PDE4D: variants seen among roughly 807,000 people sequenced by gnomAD.
PDE4D encodes 3',5'-cyclic-AMP phosphodiesterase 4D.
A neutral mutation model predicts 87.4 loss-of-function variants in PDE4D; 24 were observed. The observed-to-expected ratio is 0.27, with a 90% CI of 0.20 to 0.39. The LOEUF (loss-of-function observed/expected upper bound fraction) is 0.39. Ranked by LOEUF, PDE4D falls within the 10% of genes least tolerant of loss-of-function variation. The pLI is 1.00. For missense variants in PDE4D, 714 were observed against 1,041.0 expected (o/e 0.69, Z 4.32); for synonymous variants, 384 against 383.2 (o/e 1.00, Z -0.02).
At chr5:60,298,437 T>A (rs1489972922) in intron 1 of PDE4D, among the ~76,000 whole-genome samples, 1 of 152,272 alleles carries the variant, frequency 6.6e-6, no homozygotes, top group Non-Finnish European at 1.5e-5. Flanking sequence ...TGCAAAAAAA[T>A]GTATGCAACT....
intron 1 of PDE4D, among the ~76,000 whole-genome samples, chr5:59,593,319 C>CA (rs35227171): frequency 0.01 from 1,142 of 112,226 alleles, 10 homozygotes; most frequent in Admixed American, 0.011. Context: ...TAATGGCTCT[C>CA]AAAAAAAAAA....
At chr5:58,977,079 T>C (rs1743999827) in intron 12 of PDE4D, 112 bp downstream of exon 12, 1 of 937,142 alleles carries the variant, frequency 1.1e-6, no homozygotes, top group Admixed American at 2.4e-5. Context: ...TAAAGGGCCA[T>C]AATATGTTTT....
chr5:59,759,673 CCA>C (rs1199526981), intron 1 of PDE4D, among the ~76,000 whole-genome samples: 1 of 152,176 alleles, frequency 6.6e-6, no homozygotes, highest in Non-Finnish European at 1.5e-5. Context: ...CCCATGATTT[CCA>C]CAGAGGGCAA....
intron 1 of PDE4D, among the ~76,000 whole-genome samples, chr5:60,496,708 A>C (rs961576502): frequency 2.0e-5 from 3 of 152,230 alleles, no homozygotes; most frequent in Admixed American, 2.0e-4. Context: ...ATTTTCACCA[A>C]GAGTGAGAAA....
intron 1 of PDE4D, among the ~76,000 whole-genome samples, chr5:59,856,182 T>A (rs1018629907): frequency 6.6e-6 from 1 of 152,184 alleles, no homozygotes; most frequent in Non-Finnish European, 1.5e-5. Context: ...TTAATGACTT[T>A]GCTATTGCCT....
chr5:59,792,402 C>CTGTGTGTGTG (rs3062592), intron 1 of PDE4D, among the ~76,000 whole-genome samples: 28,701 of 138,518 alleles, frequency 0.21, 3,295 homozygotes, highest in Non-Finnish European at 0.25. Context: ...CTCCAAGAAG[C>CTGTGTGTGTG]TGTGTGTGTG....
Position 60,309,510 on chromosome 5 carries a change from G to A in PDE4D, c.-89-123823C>T, listed in dbSNP as rs116838460. 4.0e-3 allele frequency among the ~76,000 whole-genome samples: 609 copies of A among 152,222 alleles called. 5 individuals carry two copies. Among genetic ancestry groups the A allele is most frequent in the African/African-American group, 0.014 (588 of 41,542 alleles). ...TATTAGTAGACTAGATAGAGAGATG[G>A]ACACTTAGGCTTTTTCCCTTCTTCT... On this transcript the variant is annotated intron_variant, in intron 1 of 16. Transcript: ENST00000502484.
intron 1 of PDE4D, among the ~76,000 whole-genome samples, chr5:59,660,873 G>A (rs1413291675): frequency 6.6e-6 from 1 of 151,886 alleles, no homozygotes; most frequent in African/African-American, 2.4e-5. Flanking sequence ...AATTCACAAC[G>A]ATAATAGCTA....
chr5:60,387,178 AAAG>A (rs933187304), intron 1 of PDE4D, among the ~76,000 whole-genome samples: 2 of 152,250 alleles, frequency 1.3e-5, no homozygotes, highest in Admixed American at 1.3e-4. Context: ...CAGAAAAAGC[AAAG>A]AAGGAAACTT....
chr5:60,114,756 T>C (rs552997967), intron 2 of PDE4D, among the ~76,000 whole-genome samples: 1 of 152,190 alleles, frequency 6.6e-6, no homozygotes, highest in East Asian at 1.9e-4. Context: ...ACATAGAATG[T>C]CACAGTGGAT....
At chr5:60,136,231 C>T (rs1250536045) in intron 2 of PDE4D, among the ~76,000 whole-genome samples, 1 of 152,058 alleles carries the variant, frequency 6.6e-6, no homozygotes, top group Admixed American at 6.6e-5. Flanking sequence ...TGCGCTACTG[C>T]TTTTTAAAAT....
At chr5:59,578,678 G>GA (rs1217050279) in intron 1 of PDE4D, among the ~76,000 whole-genome samples, 1 of 152,042 alleles carries the variant, frequency 6.6e-6, no homozygotes, top group Non-Finnish European at 1.5e-5. Context: ...CTCTTTCTGA[G>GA]ATGTGATCTT....
intron 1 of PDE4D, among the ~76,000 whole-genome samples, chr5:59,254,898 A>G (rs1405538103): frequency 1.3e-5 from 2 of 152,172 alleles, no homozygotes; most frequent in Non-Finnish European, 2.9e-5. Context: ...ATTGTGCCTT[A>G]ACTTTTCCAC....
At chr5:60,245,857 G>A (rs1199846016) in intron 1 of PDE4D, among the ~76,000 whole-genome samples, 1 of 151,528 alleles carries the variant, frequency 6.6e-6, no homozygotes, top group Non-Finnish European at 1.5e-5. Flanking sequence ...AAGACCTAAG[G>A]TTTGCTAGCC....
chr5:59,318,933 A>T (rs1217543740), intron 1 of PDE4D, among the ~76,000 whole-genome samples: 3 of 151,904 alleles, frequency 2.0e-5, no homozygotes, highest in East Asian at 3.9e-4. Flanking sequence ...TTATCTTAAT[A>T]AAAAAAAGAC....
chr5:59,452,042 T>G (rs895901977), intron 1 of PDE4D, among the ~76,000 whole-genome samples: 1 of 152,224 alleles, frequency 6.6e-6, no homozygotes, highest in Non-Finnish European at 1.5e-5. Context: ...TAAACTTTCT[T>G]AAAACATTGA....
intron 2 of PDE4D, among the ~76,000 whole-genome samples, chr5:59,996,122 C>A (rs1236830954): frequency 6.6e-6 from 1 of 152,134 alleles, no homozygotes; most frequent in East Asian, 1.9e-4. Flanking sequence ...ATATAGACAT[C>A]ATGATTAAGT....
chr5:60,191,265 T>C (rs1435296623), intron 1 of PDE4D, among the ~76,000 whole-genome samples: 1 of 152,120 alleles, frequency 6.6e-6, no homozygotes, highest in Non-Finnish European at 1.5e-5. Flanking sequence ...AACTGGGGCA[T>C]TGATATGGTT....
At chr5:60,350,572 C>T (rs1035082512) in intron 1 of PDE4D, among the ~76,000 whole-genome samples, 10 of 152,242 alleles carry the variant, frequency 6.6e-5, no homozygotes, top group South Asian at 2.1e-4. Flanking sequence ...ATCAGAAATG[C>T]GTCGATGGTT....
Sources: allele counts gnomAD v4.1 joint callset (sites outside exome capture counted in the v4.1 genomes callset), GRCh38; gene constraint gnomAD v4.1.1; transcripts MANE v1.5; gene names NCBI Gene and HGNC (gene_info 2026-07-23, HGNC 2026-07-21).